The following GPR158 variants were observed in gnomAD, a reference collection of about 807,000 sequenced individuals.
The protein encoded by GPR158 is metabotropic glycine receptor.
In GPR158, 30 loss-of-function variants were observed where a neutral mutation model predicts 78.2. The observed-to-expected ratio is 0.38, with a 90% confidence interval of 0.29 to 0.52. The LOEUF (loss-of-function observed/expected upper bound fraction) is 0.52, where lower values mean the gene tolerates loss of function less well. Among genes scored for constraint, GPR158 ranks in the 20% least tolerant of loss-of-function variants. The pLI, the probability that GPR158 is intolerant of heterozygous loss-of-function variation, is 0.83. For missense variants in GPR158, 1,463 were observed against 1,523.5 expected (o/e 0.96, Z 0.66); for synonymous variants, 581 against 591.1 (o/e 0.98, Z 0.25).
At chr10:25,554,577 T>G (rs1413650307) in intron 6 of GPR158, among the ~76,000 whole-genome samples, 11 of 152,194 alleles carry the variant, frequency 7.2e-5, no homozygotes, top group African/African-American at 2.7e-4. Flanking sequence ...ACTATTAGTC[T>G]GGGATGAGAA....
chr10:25,261,033 C>G (rs1185008529), intron 2 of GPR158, among the ~76,000 whole-genome samples: 2 of 152,180 alleles, frequency 1.3e-5, no homozygotes, highest in South Asian at 2.1e-4. Context: ...ATCACAGACT[C>G]TTGTCCTGAG....
chr10:25,433,595 A>G (rs1834950921), intron 4 of GPR158, among the ~76,000 whole-genome samples: 1 of 150,826 alleles, frequency 6.6e-6, no homozygotes, highest in Non-Finnish European at 1.5e-5. Context: ...GCGTGCGCAT[A>G]TATGAATGTC....
In GPR158 at chr10:25,412,421, T is replaced by C; in HGVS notation, c.1283T>C (p.Met428Thr). The C allele has an allele frequency of 6.2e-7, 1 of 1,614,144 alleles. No individual in the cohort carries two copies. Among genetic ancestry groups the C allele is most frequent in the Non-Finnish European group, 8.5e-7 (1 of 1,179,960 alleles). Residue 428 changes from methionine to threonine, a missense_variant, in exon 4 of 11, where the codon ATG (methionine) becomes ACG (threonine). Met to Thr is a moderately conservative substitution (Grantham distance 81, BLOSUM62 -1). Transcript: ENST00000376351. ...LAIISFQALC[M>T]LLDFVSMLVV... is the part of the protein sequence containing the mutation. ...ATCATCTCCTTCCAAGCCCTGTGTA[T>C]GCTGCTCGACTTCGTTAGCATGCTG...
intron 1 of GPR158, among the ~76,000 whole-genome samples, chr10:25,196,101 AACTTTCTTTT>A (rs200518451): frequency 0.014 from 2,074 of 151,872 alleles, 48 homozygotes; most frequent in African/African-American, 0.048. Flanking sequence ...TTCACTCAGA[AACTTTCTTTT>A]ATGATTACAT....
chr10:25,488,464 C>G lies in GPR158; in HGVS notation c.1404+21745C>G, dbSNP rs141605837. 1.1e-3 allele frequency among the ~76,000 whole-genome samples: 173 copies of G among 152,048 alleles called. 1 individual carries two copies. Among genetic ancestry groups the G allele is most frequent in the African/African-American group, 3.7e-3 (152 of 41,474 alleles). On this transcript the variant is annotated intron_variant, in intron 5 of 10. Transcript: ENST00000376351. ...TTCTTCAAGTTGCTTATTTGTATTT[C>G]TACATTTTCACAATGCATATATGTT... is the stretch of plus-strand genomic sequence containing the variant.
chr10:25,212,168 C>G (rs1033202239), intron 1 of GPR158, among the ~76,000 whole-genome samples: 11 of 152,032 alleles, frequency 7.2e-5, no homozygotes, highest in African/African-American at 2.7e-4. Context: ...TAAAGAAATA[C>G]CTGAGACTGG....
intron 3 of GPR158, among the ~76,000 whole-genome samples, chr10:25,411,156 C>G (rs1834579804): frequency 6.7e-6 from 1 of 149,728 alleles, no homozygotes; most frequent in Non-Finnish European, 1.5e-5. Flanking sequence ...CTAAACTCAT[C>G]TTAACTATTA....
intron 2 of GPR158, among the ~76,000 whole-genome samples, chr10:25,389,677 G>T (rs1013374851): frequency 6.6e-6 from 1 of 152,240 alleles, no homozygotes; most frequent in Admixed American, 6.5e-5. Context: ...ATGCCATATT[G>T]TGGGTGACAA....
At chr10:25,363,897 A>G (rs933744393) in intron 2 of GPR158, among the ~76,000 whole-genome samples, 11 of 151,862 alleles carry the variant, frequency 7.2e-5, no homozygotes, top group African/African-American at 2.4e-4. Context: ...TTGGTCTGGT[A>G]TGGTGACAAA....
intron 2 of GPR158, among the ~76,000 whole-genome samples, chr10:25,319,116 C>A (rs553251759): frequency 6.6e-6 from 1 of 152,188 alleles, no homozygotes; most frequent in Non-Finnish European, 1.5e-5. Context: ...CTTTGTGCAC[C>A]AGGGTCTCTG....
At chr10:25,573,581 T>G (rs1380164421) in intron 7 of GPR158, among the ~76,000 whole-genome samples, 1 of 152,230 alleles carries the variant, frequency 6.6e-6, no homozygotes, top group East Asian at 1.9e-4. Flanking sequence ...ATAGGAATTT[T>G]TCTGTTGCTC....
At chr10:25,237,703 A>ATC (rs530720432) in intron 2 of GPR158, among the ~76,000 whole-genome samples, 8 of 152,278 alleles carry the variant, frequency 5.3e-5, no homozygotes, top group Admixed American at 2.6e-4. Flanking sequence ...TTAAAGCTGC[A>ATC]TCTCTCTCTC....
chr10:25,444,577 AGT>A (rs201808315), intron 4 of GPR158, among the ~76,000 whole-genome samples: 1,617 of 143,490 alleles, frequency 0.011, 29 homozygotes, highest in African/African-American at 0.04. Context: ...TGTGTGGAGG[AGT>A]GTGTGGGAGT....
chr10:25,220,470 T>C (rs1480269882), intron 1 of GPR158, among the ~76,000 whole-genome samples: 1 of 152,148 alleles, frequency 6.6e-6, no homozygotes, highest in African/African-American at 2.4e-5. Flanking sequence ...CGTTTCCAGA[T>C]TTAAAAGAAA....
At chr10:25,228,093 C>T (rs1289736043) in intron 2 of GPR158, among the ~76,000 whole-genome samples, 1 of 152,006 alleles carries the variant, frequency 6.6e-6, no homozygotes, top group African/African-American at 2.4e-5. Context: ...GGGAACATAG[C>T]GAGACCCTGT....
chr10:25,433,547 TTGTG>T (rs1554803583), intron 4 of GPR158, among the ~76,000 whole-genome samples: 15 of 96,450 alleles, frequency 1.6e-4, no homozygotes, highest in East Asian at 1.1e-3. Context: ...TGTGTGTGTG[TTGTG>T]TGTGTGTGTG....
intron 2 of GPR158, among the ~76,000 whole-genome samples, chr10:25,279,230 T>C (rs1402040580): frequency 1.3e-5 from 2 of 152,162 alleles, no homozygotes; most frequent in Admixed American, 6.5e-5. Context: ...GCTAGTGATA[T>C]GCCAGCCATG....
intron 7 of GPR158, among the ~76,000 whole-genome samples, chr10:25,575,808 C>T (rs1837085258): frequency 6.6e-6 from 1 of 151,876 alleles, no homozygotes; most frequent in South Asian, 2.1e-4. Flanking sequence ...AAAAAATAAA[C>T]AGGAGCCATA....
intron 5 of GPR158, among the ~76,000 whole-genome samples, chr10:25,478,500 G>GTT (rs1491524899): frequency 6.8e-5 from 7 of 102,200 alleles, no homozygotes; most frequent in African/African-American, 3.0e-4. Flanking sequence ...ATGCGTGTGT[G>GTT]TGTGTGTGTG....
Sources: allele counts gnomAD v4.1 joint callset (sites outside exome capture counted in the v4.1 genomes callset), GRCh38; gene constraint gnomAD v4.1.1; transcripts MANE v1.5; gene names NCBI Gene and HGNC (gene_info 2026-07-23, HGNC 2026-07-21).